The following STXBP5L variants were observed in gnomAD, a reference collection of about 807,000 sequenced individuals.
STXBP5L encodes the protein syntaxin binding protein 5L.
Under a neutral mutation model 144.5 loss-of-function variants are expected in STXBP5L, and 65 were observed. The observed-to-expected ratio is 0.45, with a 90% confidence interval of 0.37 to 0.55. STXBP5L has a LOEUF of 0.55. STXBP5L is among the 20% of genes least tolerant of loss of function. STXBP5L has a pLI of 0.00. For synonymous variants in STXBP5L, 505 were observed against 469.6 expected (o/e 1.08, Z -0.97); for missense variants, 1,298 against 1,405.5 (o/e 0.92, Z 1.22).
chr3:121,097,632 CG>C (rs1203624297), intron 5 of STXBP5L, among the ~76,000 whole-genome samples: 1 of 152,136 alleles, frequency 6.6e-6, no homozygotes. Context: ...GATCACCCTC[CG>C]TGAGCTGCAC....
chr3:121,190,083 T>A (rs541442552), intron 9 of STXBP5L, among the ~76,000 whole-genome samples: 2 of 152,184 alleles, frequency 1.3e-5, no homozygotes, highest in African/African-American at 4.8e-5. Flanking sequence ...TATTTATTGA[T>A]CATTCTTGGG....
intron 6 of STXBP5L, among the ~76,000 whole-genome samples, chr3:121,118,278 A>T (rs996008170): frequency 6.6e-6 from 1 of 151,888 alleles, no homozygotes; most frequent in African/African-American, 2.4e-5. Context: ...TAGACATGGG[A>T]TCTCAAAGTG....
chr3:121,289,817 C>G (rs1276511044), intron 19 of STXBP5L, among the ~76,000 whole-genome samples: 1 of 152,070 alleles, frequency 6.6e-6, no homozygotes, highest in Non-Finnish European at 1.5e-5. Flanking sequence ...ATAGTTGGGT[C>G]AACAATGAAA....
intron 9 of STXBP5L, among the ~76,000 whole-genome samples, chr3:121,170,412 G>T (rs1277196394): frequency 6.6e-6 from 1 of 151,986 alleles, no homozygotes; most frequent in Non-Finnish European, 1.5e-5. Context: ...CTAGGAGCTG[G>T]TTTTTGAAAA....
At chr3:121,294,613 A>G (rs2051574152) in intron 19 of STXBP5L, among the ~76,000 whole-genome samples, 1 of 146,456 alleles carries the variant, frequency 6.8e-6, no homozygotes. Flanking sequence ...GGAAGCATAG[A>G]AGGAAGAAGA....
In STXBP5L at chr3:121,279,787, AT is replaced by A. The variant is rs755945286; in HGVS notation, c.1959-10del. The A allele has an allele frequency of 1.1e-5, 17 of 1,608,410 alleles. No homozygotes were observed. The highest frequency in any genetic ancestry group is 1.7e-5 in the Admixed American group (1 of 59,232). ...GCTTGTTGTGATACATTCTAGTTGTATTTTTTTTCTCTCTTAGAGTTGCATT... is the reference window on the plus strand; with the variant it reads ...GCTTGTTGTGATACATTCTAGTTGTATTTTTTTCTCTCTTAGAGTTGCATT... On this transcript the variant is annotated splice_polypyrimidine_tract_variant and intron_variant, in intron 18 of 26. Transcript: ENST00000471454.
chr3:121,024,491 C>T (rs1280914746), intron 3 of STXBP5L, among the ~76,000 whole-genome samples: 2 of 152,168 alleles, frequency 1.3e-5, no homozygotes, highest in South Asian at 2.1e-4. Context: ...TTTCAGTGTT[C>T]TGTCAGCTCT....
chr3:121,166,941 AT>A (rs1559815584), intron 9 of STXBP5L, among the ~76,000 whole-genome samples: 2 of 151,790 alleles, frequency 1.3e-5, no homozygotes, highest in African/African-American at 2.4e-5. Flanking sequence ...TATAGAAGAG[AT>A]TTTTTAAGTA....
At chr3:121,023,481 C>A (rs1945707394) in intron 3 of STXBP5L, among the ~76,000 whole-genome samples, 1 of 152,244 alleles carries the variant, frequency 6.6e-6, no homozygotes, top group South Asian at 2.1e-4. Context: ...ATCACATTAT[C>A]CCATTGCAAA....
intron 20 of STXBP5L, among the ~76,000 whole-genome samples, chr3:121,373,299 A>G (rs2046086848): frequency 6.6e-6 from 1 of 152,152 alleles, no homozygotes; most frequent in Non-Finnish European, 1.5e-5. Flanking sequence ...TCCAACCACA[A>G]ATGCCTGCAG....
intron 3 of STXBP5L, among the ~76,000 whole-genome samples, chr3:121,036,217 CACTT>C (rs993837062): frequency 6.6e-5 from 10 of 152,078 alleles, no homozygotes; most frequent in Admixed American, 4.6e-4. Context: ...CCTGTAATCC[CACTT>C]ACTTGGGAAG....
intron 7 of STXBP5L, among the ~76,000 whole-genome samples, chr3:121,131,490 C>G (rs892285053): frequency 2.0e-5 from 3 of 152,118 alleles, no homozygotes; most frequent in Admixed American, 6.6e-5. Flanking sequence ...GATTGCCAAG[C>G]TATGGCCAGT....
chr3:120,977,105 C>A (rs1327891369), intron 3 of STXBP5L, among the ~76,000 whole-genome samples: 3 of 152,102 alleles, frequency 2.0e-5, no homozygotes, highest in South Asian at 2.1e-4. Context: ...ATCCTTGTTA[C>A]CTTTCTGTCT....
intron 20 of STXBP5L, among the ~76,000 whole-genome samples, chr3:121,345,199 T>C (rs916207022): frequency 6.6e-6 from 1 of 151,928 alleles, no homozygotes; most frequent in Non-Finnish European, 1.5e-5. Flanking sequence ...GTGATGTTCC[T>C]CACCCTGTAT....
rs773187305 is a variant in STXBP5L at position 121,157,584 on chromosome 3, C to A, written c.834C>A (p.Asn278Lys). Residue 278 changes from asparagine to lysine, a missense_variant, in exon 9 of 27, where the codon AAC (asparagine) becomes AAA (lysine). Physicochemically the swap from Asn to Lys is moderately conservative, Grantham distance 94 (BLOSUM62 0). Transcript: ENST00000471454. ...SHSDGSLTLW[N>K]LKSPSRPFQT... ...CAGATGGTAGTTTGACTTTATGGAA[C>A]CTGAAAAGCCCAAGTCGCCCTTTCC... 5.0e-6 allele frequency: 8 copies of A among 1,606,036 alleles called. No individual in the cohort carries two copies. The highest frequency in any genetic ancestry group is 1.1e-5 in the South Asian group (1 of 89,610).
At chr3:121,354,135 T>C (rs990021615) in intron 20 of STXBP5L, among the ~76,000 whole-genome samples, 2 of 152,192 alleles carry the variant, frequency 1.3e-5, no homozygotes, top group South Asian at 4.1e-4. Context: ...TGCAATGTGG[T>C]GCTGAGAAAA....
chr3:121,034,146 A>T (rs560674363), intron 3 of STXBP5L, among the ~76,000 whole-genome samples: 1 of 152,082 alleles, frequency 6.6e-6, no homozygotes, highest in South Asian at 2.1e-4. Context: ...TTTTTTCTGA[A>T]ATTTATATAC....
intron 3 of STXBP5L, among the ~76,000 whole-genome samples, chr3:121,003,020 G>T (rs1423212293): frequency 6.6e-6 from 1 of 152,114 alleles, no homozygotes; most frequent in Non-Finnish European, 1.5e-5. Context: ...AAACATACGT[G>T]TGCATGTGTC....
At chr3:121,185,792 T>TA (rs1367850182) in intron 9 of STXBP5L, among the ~76,000 whole-genome samples, 1 of 151,048 alleles carries the variant, frequency 6.6e-6, no homozygotes, top group Admixed American at 6.7e-5. Context: ...CCCTTTTTGG[T>TA]TCCATATGAA....
Sources: allele counts gnomAD v4.1 joint callset (sites outside exome capture counted in the v4.1 genomes callset), GRCh38; gene constraint gnomAD v4.1.1; transcripts MANE v1.5; gene names NCBI Gene and HGNC (gene_info 2026-07-23, HGNC 2026-07-21).